CNNM2: variants seen among roughly 807,000 people sequenced by gnomAD.
CNNM2 encodes the protein cyclin and CBS domain divalent metal cation transport mediator 2.
Under a neutral mutation model 66.9 loss-of-function variants are expected in CNNM2, and 12 were observed. The ratio of observed to expected loss-of-function variants is 0.18; its 90% CI spans 0.11 to 0.29. The LOEUF (loss-of-function observed/expected upper bound fraction) is 0.29, where lower values mean the gene tolerates loss of function less well. Ranked by LOEUF, CNNM2 falls within the 10% of genes least tolerant of loss-of-function variation. The pLI is 1.00. For synonymous variants in CNNM2, 557 were observed against 501.8 expected, an observed-to-expected ratio of 1.11 and a Z score of -1.47; for missense variants, 705 against 1,167.7, an observed-to-expected ratio of 0.60 and a Z score of 5.77.
At chr10:103,010,081 AAG>A (rs1237565137) in intron 1 of CNNM2, among the ~76,000 whole-genome samples, 1 of 152,212 alleles carries the variant, frequency 6.6e-6, no homozygotes, top group Non-Finnish European at 1.5e-5. Flanking sequence ...AGACTGCTAA[AAG>A]AAGTTGGAAC....
chr10:102,980,356 CA>C (rs2063701558), intron 1 of CNNM2, among the ~76,000 whole-genome samples: 1 of 151,158 alleles, frequency 6.6e-6, no homozygotes, highest in Non-Finnish European at 1.5e-5. Flanking sequence ...ACTGCAGCCT[CA>C]ACTTCCTGGC....
chr10:102,981,000 A>G (rs961560733), intron 1 of CNNM2, among the ~76,000 whole-genome samples: 2 of 152,178 alleles, frequency 1.3e-5, no homozygotes, highest in African/African-American at 4.8e-5. Flanking sequence ...TAGAACTGCC[A>G]ACCTGTGCTG....
intron 1 of CNNM2, among the ~76,000 whole-genome samples, chr10:102,946,729 T>C (rs1157769520): frequency 6.6e-6 from 1 of 152,230 alleles, no homozygotes; most frequent in East Asian, 1.9e-4. Flanking sequence ...TTCTGTAGCC[T>C]GAAAGAGTTA....
intron 1 of CNNM2, among the ~76,000 whole-genome samples, chr10:102,960,170 GACGCATGCT>G (rs2063358240): frequency 6.6e-6 from 1 of 152,198 alleles, no homozygotes; most frequent in Admixed American, 6.5e-5. Context: ...CACAGTGCCT[GACGCATGCT>G]ACGTGCCCAG....
chr10:102,987,164 A>G (rs1269111642), intron 1 of CNNM2, among the ~76,000 whole-genome samples: 1 of 152,162 alleles, frequency 6.6e-6, no homozygotes, highest in Non-Finnish European at 1.5e-5. Context: ...CTGAGGGTGG[A>G]GAGTTTGAAG....
At position 103,084,888 on chromosome 10, in the gene CNNM2, T is replaced by TAAAA. The variant is rs2065789451; in HGVS notation, c.*7708_*7709insAAAA. On this transcript the variant is annotated 3_prime_UTR_variant, in exon 8 of 8. Transcript: ENST00000369878. The stretch of plus-strand genomic sequence containing the variant: ...TTATTTTATACTTTTTGAAGGTAAT[T>TAAAA]TAAAAGAGATGATTCTTTATTAAAG... The TAAAA allele has an allele frequency of 5.3e-5, 8 of 152,188 alleles. No individual in the cohort carries two copies. Among genetic ancestry groups the TAAAA allele is most frequent in the Admixed American group, 5.2e-4 (8 of 15,280 alleles). 9.4% of individuals were successfully genotyped at this position (152,188 alleles called of 1,614,324 possible). A position where few individuals can be genotyped will look rare whatever the true frequency, so the allele number is the denominator to read the frequency against.
At chr10:103,052,645 C>G (rs2065236019) in intron 2 of CNNM2, among the ~76,000 whole-genome samples, 1 of 151,940 alleles carries the variant, frequency 6.6e-6, no homozygotes, top group Admixed American at 6.6e-5. Flanking sequence ...TCCTGAGTAG[C>G]TGGGATTACA....
At chr10:102,954,799 AT>A (rs1564819362) in intron 1 of CNNM2, among the ~76,000 whole-genome samples, 1 of 152,312 alleles carries the variant, frequency 6.6e-6, no homozygotes, top group South Asian at 2.1e-4. Flanking sequence ...AGGGGACTTC[AT>A]TTTTTGAGAA....
intron 1 of CNNM2, among the ~76,000 whole-genome samples, chr10:103,004,258 C>T (rs540247115): frequency 6.6e-6 from 1 of 152,252 alleles, no homozygotes; most frequent in South Asian, 2.1e-4. Flanking sequence ...CCGCCTCAGC[C>T]TCCCTAAGTG....
intron 1 of CNNM2, among the ~76,000 whole-genome samples, chr10:103,000,970 G>C (rs936184601): frequency 6.6e-6 from 1 of 152,196 alleles, no homozygotes; most frequent in Non-Finnish European, 1.5e-5. Context: ...TAAGCAAAAT[G>C]TGGTATTTAC....
intron 1 of CNNM2, among the ~76,000 whole-genome samples, chr10:102,949,471 G>C (rs1217564345): frequency 1.3e-5 from 2 of 151,688 alleles, no homozygotes. Flanking sequence ...CACCACACCT[G>C]GCGGTAGTAG....
chr10:103,071,783 C>T lies in CNNM2; in HGVS notation c.2177C>T (p.Ser726Phe). 1 of 1,613,858 alleles carries T rather than the reference C, an allele frequency of 6.2e-7. No homozygotes were observed. The highest frequency in any genetic ancestry group is 8.5e-7 in the Non-Finnish European group (1 of 1,179,790). ...TTTCTCCATTTTTCAGTTCCTTTGT[C>T]CCTGTCTCGTACCTTTGTTGTCAGC... is the stretch of plus-strand genomic sequence containing the variant. ...MALTASPVPL[S>F]LSRTFVVSRT... Residue 726 changes from serine (S) to phenylalanine (F), a missense_variant, in exon 6 of 8, where the codon TCC becomes TTC. Physicochemically the swap from Ser to Phe is radical, Grantham distance 155. Transcript: ENST00000369878.
At position 103,064,442 on chromosome 10, in the gene CNNM2, A is replaced by G. The variant is rs11191541; in HGVS notation, c.2074-4187A>G. Among the ~76,000 whole-genome samples, 61,637 of 152,082 alleles carry G rather than the reference A, an allele frequency of 0.41. 12,673 individuals carry two copies. The highest frequency in any genetic ancestry group is 0.56 in the East Asian group (2,887 of 5,160). Reference sequence around the variant, plus strand: ...AGTGCCTCACTATTTCGCCCAGGCTAGTCTTGAGCTCCTGACCTCAAGCAA... The same window carrying G: ...AGTGCCTCACTATTTCGCCCAGGCTGGTCTTGAGCTCCTGACCTCAAGCAA... On this transcript the variant is annotated intron_variant, in intron 4 of 7. Coordinates refer to ENST00000369878, the MANE Select transcript of CNNM2 (RefSeq NM_017649.5).
intron 1 of CNNM2, among the ~76,000 whole-genome samples, chr10:102,988,419 C>G (rs765814622): frequency 1.4e-4 from 21 of 152,202 alleles, no homozygotes; most frequent in African/African-American, 4.6e-4. Flanking sequence ...CTCACAGGTG[C>G]AAATGAAAGT....
intron 1 of CNNM2, among the ~76,000 whole-genome samples, chr10:103,008,504 G>A (rs1590386553): frequency 6.6e-6 from 1 of 152,060 alleles, no homozygotes; most frequent in South Asian, 2.1e-4. Flanking sequence ...TTTTGGCCGG[G>A]GTGGTGCCTC....
chr10:103,032,018 T>C (rs556982274), intron 1 of CNNM2, among the ~76,000 whole-genome samples: 1 of 152,312 alleles, frequency 6.6e-6, no homozygotes, highest in Non-Finnish European at 1.5e-5. Flanking sequence ...CTGCGTGAAC[T>C]AGTCACTGCG....
chr10:102,953,201 C>A lies in CNNM2; in HGVS notation c.1621+33100C>A, dbSNP rs181207357. Among the ~76,000 whole-genome samples the A allele has an allele frequency of 4.6e-5, 7 of 152,262 alleles. No homozygotes were observed. In the East Asian group the frequency reaches 1.2e-3, roughly 25 times the overall value. On this transcript the variant is annotated intron_variant, in intron 1 of 7. Coordinates refer to ENST00000369878, the MANE Select transcript of CNNM2 (RefSeq NM_017649.5). ...GTTTCAGTTTTTATTTAGATTGTTA[C>A]TTAAAACTTATAATCTAGCACAATG...
At chr10:103,064,896 A>T (rs2065450360) in intron 4 of CNNM2, among the ~76,000 whole-genome samples, 1 of 152,120 alleles carries the variant, frequency 6.6e-6, no homozygotes. Context: ...ATGAAAAAAA[A>T]ATTTGGCAAC....
intron 5 of CNNM2, among the ~76,000 whole-genome samples, chr10:103,070,458 A>T (rs889401181): frequency 3.3e-5 from 5 of 152,246 alleles, no homozygotes; most frequent in African/African-American, 1.2e-4. Flanking sequence ...TGAGTATAGT[A>T]GAAAGGTGCC....
Sources: gnomAD v4.1 joint callset for allele counts (sites outside exome capture counted in the v4.1 genomes callset) on GRCh38, gnomAD v4.1.1 for gene constraint, MANE v1.5 for transcripts, NCBI Gene and HGNC (gene_info 2026-07-23, HGNC 2026-07-21) for gene names.